TMEM117: variants seen among roughly 807,000 people sequenced by gnomAD.
TMEM117 encodes transmembrane protein 117.
A neutral mutation model predicts 52.4 loss-of-function variants in TMEM117; 27 were observed. The observed-to-expected ratio is 0.51, with a 90% confidence interval of 0.38 to 0.71. The LOEUF is 0.71. TMEM117 is among the 30% of genes least tolerant of loss of function. The pLI, the probability that TMEM117 is intolerant of heterozygous loss-of-function variation, is 0.00. For missense variants in TMEM117, 556 were observed against 630.5 expected (o/e 0.88, Z 1.26); for synonymous variants, 215 against 206.3 (o/e 1.04, Z -0.36).
intron 2 of TMEM117, among the ~76,000 whole-genome samples, chr12:43,880,151 T>C (rs1195109632): frequency 2.0e-5 from 3 of 152,212 alleles, no homozygotes; most frequent in African/African-American, 7.2e-5. Context: ...TAATAATGCC[T>C]GTCCTCAATT....
intron 5 of TMEM117, among the ~76,000 whole-genome samples, chr12:44,297,455 G>C (rs190188414): frequency 1.3e-5 from 2 of 152,134 alleles, no homozygotes; most frequent in African/African-American, 4.8e-5. Flanking sequence ...GGCAGTGCTG[G>C]ATAACAGGGA....
chr12:44,300,380 G>A (rs1320380051), intron 6 of TMEM117, among the ~76,000 whole-genome samples: 1 of 152,138 alleles, frequency 6.6e-6, no homozygotes, highest in East Asian at 1.9e-4. Context: ...AGAGACACTA[G>A]CTATTTCTTG....
chr12:44,183,923 A>G (rs180689327), intron 4 of TMEM117, among the ~76,000 whole-genome samples: 18 of 152,316 alleles, frequency 1.2e-4, no homozygotes, highest in Non-Finnish European at 7.4e-5. Context: ...ACATCCCTGC[A>G]GTAGGTAGAA....
intron 2 of TMEM117, among the ~76,000 whole-genome samples, chr12:43,910,554 T>C (rs1382496072): frequency 6.6e-6 from 1 of 151,376 alleles, no homozygotes; most frequent in Non-Finnish European, 1.5e-5. Flanking sequence ...GAAGTCAAAT[T>C]GTCCCTGTTT....
chr12:43,910,301 A>G (rs1386678441), intron 2 of TMEM117, among the ~76,000 whole-genome samples: 4 of 150,444 alleles, frequency 2.7e-5, no homozygotes, highest in African/African-American at 9.8e-5. Context: ...ACAACCCTTC[A>G]TGCTAAAAAC....
At chr12:44,235,588 CCTTAA>C (rs199530159) in intron 5 of TMEM117, among the ~76,000 whole-genome samples, 1,743 of 151,756 alleles carry the variant, frequency 0.011, 21 homozygotes, top group South Asian at 0.052. Flanking sequence ...AAAAATGTAT[CCTTAA>C]CTTATTAAAG....
chr12:44,253,492 A>G (rs955703932), intron 5 of TMEM117, among the ~76,000 whole-genome samples: 2 of 152,130 alleles, frequency 1.3e-5, no homozygotes, highest in Admixed American at 6.5e-5. Flanking sequence ...AGCCTCCCCA[A>G]ATTGAAAGCC....
intron 2 of TMEM117, among the ~76,000 whole-genome samples, chr12:43,899,417 T>C (rs1410395285): frequency 2.6e-5 from 4 of 152,242 alleles, no homozygotes; most frequent in Admixed American, 2.0e-4. Flanking sequence ...GGGGGTTTTA[T>C]TGTATGTACA....
intron 2 of TMEM117, among the ~76,000 whole-genome samples, chr12:43,942,195 C>A (rs949903739): frequency 6.6e-6 from 1 of 152,176 alleles, no homozygotes; most frequent in Non-Finnish European, 1.5e-5. Flanking sequence ...TAATTGACTT[C>A]AAGCACTGTC....
chr12:44,255,996 C>T (rs1334446801), intron 5 of TMEM117, among the ~76,000 whole-genome samples: 2 of 151,920 alleles, frequency 1.3e-5, no homozygotes, highest in African/African-American at 2.4e-5. Context: ...GACCATTCCT[C>T]ATATCCTCAA....
intron 2 of TMEM117, among the ~76,000 whole-genome samples, chr12:43,862,575 G>T (rs192443039): frequency 1.3e-5 from 2 of 152,318 alleles, no homozygotes; most frequent in Admixed American, 6.5e-5. Flanking sequence ...GACTGATATA[G>T]AAATTTAAAA....
chr12:44,236,851 G>A (rs1950003059), intron 5 of TMEM117, among the ~76,000 whole-genome samples: 1 of 152,070 alleles, frequency 6.6e-6, no homozygotes, highest in Admixed American at 6.6e-5. Flanking sequence ...AAGCTGGGAT[G>A]GGAGTTCACG....
intron 3 of TMEM117, among the ~76,000 whole-genome samples, chr12:44,057,165 G>A (rs540976505): frequency 6.6e-6 from 1 of 152,140 alleles, no homozygotes; most frequent in Non-Finnish European, 1.5e-5. Context: ...GTGAACTTCA[G>A]CTCCCTTTAG....
At chr12:43,908,270 A>C (rs1162123004) in intron 2 of TMEM117, among the ~76,000 whole-genome samples, 2 of 75,094 alleles carry the variant, frequency 2.7e-5, no homozygotes, top group South Asian at 1.1e-3. Context: ...AAGGAGAAAT[A>C]AAATCCTTTA....
chr12:43,915,293 G>A (rs563504167), intron 2 of TMEM117, among the ~76,000 whole-genome samples: 1 of 152,242 alleles, frequency 6.6e-6, no homozygotes, highest in East Asian at 1.9e-4. Context: ...TAGGATCCAA[G>A]CATTGTGCCA....
intron 2 of TMEM117, among the ~76,000 whole-genome samples, chr12:43,940,854 A>G (rs1358083565): frequency 1.3e-5 from 2 of 152,008 alleles, no homozygotes; most frequent in Non-Finnish European, 2.9e-5. Context: ...CATAATATAT[A>G]CTTTTAAATA....
At chr12:44,338,711 C>T (rs1951376097) in intron 6 of TMEM117, among the ~76,000 whole-genome samples, 1 of 152,030 alleles carries the variant, frequency 6.6e-6, no homozygotes, top group Non-Finnish European at 1.5e-5. Flanking sequence ...TATACACACA[C>T]ATATTCAAAA....
intron 3 of TMEM117, among the ~76,000 whole-genome samples, chr12:43,956,892 T>C (rs1945317112): frequency 6.6e-6 from 1 of 152,028 alleles, no homozygotes; most frequent in Non-Finnish European, 1.5e-5. Context: ...AGCAAAGACA[T>C]GGAATCAACC....
chr12:44,295,323 C>A (rs1319576932), intron 5 of TMEM117, among the ~76,000 whole-genome samples: 1 of 152,122 alleles, frequency 6.6e-6, no homozygotes, highest in Non-Finnish European at 1.5e-5. Context: ...CCTGCCTCAG[C>A]CTCCCGAGTA....
Sources: gnomAD v4.1 joint callset for allele counts (sites outside exome capture counted in the v4.1 genomes callset) on GRCh38, gnomAD v4.1.1 for gene constraint, MANE v1.5 for transcripts, NCBI Gene and HGNC (gene_info 2026-07-23, HGNC 2026-07-21) for gene names.